The following FBLN2 variants were observed in gnomAD, a reference collection of about 807,000 sequenced individuals.
The protein encoded by FBLN2 is fibulin 2.
FBLN2 carries 81 observed loss-of-function variants against 123.7 expected under a neutral mutation model. That is an observed-to-expected ratio of 0.65 (90% CI 0.55 to 0.79). The LOEUF is 0.79. Among genes scored for constraint, FBLN2 ranks in the 30% least tolerant of loss-of-function variants. The pLI is 0.00. For synonymous variants in FBLN2, 699 were observed against 701.4 expected, an observed-to-expected ratio of 1.00 and a Z score of 0.05; for missense variants, 1,603 against 1,681.3, an observed-to-expected ratio of 0.95 and a Z score of 0.81.
chr3:13,633,580 G>T (rs1454793659), intron 16 of FBLN2, among the ~76,000 whole-genome samples: 1 of 152,242 alleles, frequency 6.6e-6, no homozygotes, highest in African/African-American at 2.4e-5. Context: ...GAGCTAAGAG[G>T]CTGTCCTCTT....
chr3:13,629,937 G>T lies in FBLN2; in HGVS notation c.2960G>T (p.Arg987Leu). 6.2e-7 allele frequency: 1 copy of T among 1,610,320 alleles called. No individual in the cohort carries two copies. Among genetic ancestry groups the T allele is most frequent in the Non-Finnish European group, 8.5e-7 (1 of 1,178,966 alleles). The change falls in exon 14 of 18, where the codon CGC (arginine) becomes CTC (leucine). Residue 987 changes from arginine to leucine, a missense_variant. Arg to Leu is a moderately radical substitution (Grantham distance 102). Coordinates refer to ENST00000404922, the MANE Select transcript of FBLN2 (RefSeq NM_001004019.2). The part of the protein sequence containing the change: ...SGFLLAADGK[R>L]CEDVNECEAQ... The stretch of plus-strand genomic sequence containing the variant: ...TTCCTGCTAGCAGCGGACGGCAAGC[G>T]CTGTGAAGGTAGGCTGGCCCTCATC...
chr3:13,580,236 A>G (rs937442858), intron 2 of FBLN2, among the ~76,000 whole-genome samples: 11 of 152,162 alleles, frequency 7.2e-5, no homozygotes, highest in African/African-American at 2.7e-4. Context: ...GCTCAGCTCT[A>G]GGAGATATGG....
intron 16 of FBLN2, among the ~76,000 whole-genome samples, chr3:13,632,933 T>C (rs1420838295): frequency 6.6e-6 from 1 of 152,212 alleles, no homozygotes; most frequent in Non-Finnish European, 1.5e-5. Flanking sequence ...TTTATCCTTC[T>C]AGATTGTGAT....
At chr3:13,608,242 C>A in intron 3 of FBLN2, 69 bp downstream of exon 3, 3 of 1,165,776 alleles carry the variant, frequency 2.6e-6, no homozygotes, top group Non-Finnish European at 3.7e-6. Context: ...TTGCCTAGGA[C>A]CCCAGGCTCC....
chr3:13,594,962 C>G (rs1351700592), intron 2 of FBLN2, among the ~76,000 whole-genome samples: 1 of 152,184 alleles, frequency 6.6e-6, no homozygotes, highest in East Asian at 1.9e-4. Context: ...GGCTCAGGAG[C>G]CTGCACTCTG....
At chr3:13,577,039 T>C (rs1166365164) in intron 2 of FBLN2, among the ~76,000 whole-genome samples, 1 of 151,910 alleles carries the variant, frequency 6.6e-6, no homozygotes, top group Non-Finnish European at 1.5e-5. Flanking sequence ...CTGGCCAACA[T>C]GGTGAAACCC....
intron 1 of FBLN2, among the ~76,000 whole-genome samples, chr3:13,554,646 ATCTCTGC>A (rs1329733471): frequency 8.4e-6 from 1 of 118,698 alleles, no homozygotes; most frequent in East Asian, 2.8e-4. Flanking sequence ...GTCCTCCCTC[ATCTCTGC>A]TCCCCTGCAT....
chr3:13,572,534 T>A (rs1177055551), intron 2 of FBLN2, among the ~76,000 whole-genome samples: 2 of 152,168 alleles, frequency 1.3e-5, no homozygotes, highest in Admixed American at 6.5e-5. Context: ...TTCAATACAC[T>A]CCATCGGGCA....
chr3:13,624,650 T>C (rs1163595305), intron 9 of FBLN2, among the ~76,000 whole-genome samples: 1 of 152,174 alleles, frequency 6.6e-6, no homozygotes, highest in Non-Finnish European at 1.5e-5. Flanking sequence ...AGCTCGAATG[T>C]CACCACTCCT....
At chr3:13,636,320 G>A in intron 16 of FBLN2, 125 bp from the exon 17 acceptor site, 1 of 1,180,598 alleles carries the variant, frequency 8.5e-7, no homozygotes, top group Non-Finnish European at 1.2e-6. Flanking sequence ...TGTGTGCAGG[G>A]AGGCACGCGG....
chr3:13,560,895 C>T (rs1395357871), intron 1 of FBLN2, among the ~76,000 whole-genome samples: 1 of 152,110 alleles, frequency 6.6e-6, no homozygotes, highest in African/African-American at 2.4e-5. Flanking sequence ...CTCAATGCAG[C>T]CTCCAACTCC....
At position 13,637,648 on chromosome 3, in the gene FBLN2, C is replaced by T. The variant is rs200284680; in HGVS notation, c.3425C>T (p.Thr1142Met). ...RITHYQLNFQTGLLVPAHIFR... is the reference protein window; with the variant it reads ...RITHYQLNFQMGLLVPAHIFR... ...ACGCACTACCAGCTCAACTTCCAGA[C>T]GGGCCTCCTGGTGCCTGCGCATATC... is the stretch of plus-strand genomic sequence containing the variant. Residue 1142 changes from threonine (T) to methionine (M), a missense_variant, in exon 18 of 18, where the codon ACG (threonine) becomes ATG (methionine). By Grantham distance (81) the Thr-to-Met change is moderately conservative. Transcript: ENST00000404922. The T allele has an allele frequency of 2.6e-5, 42 of 1,613,872 alleles. No homozygotes were observed. In the African/African-American group the frequency reaches 2.8e-4, roughly 11 times the overall value.
intron 1 of FBLN2, among the ~76,000 whole-genome samples, chr3:13,552,987 C>T (rs989168353): frequency 3.3e-5 from 5 of 152,068 alleles, no homozygotes; most frequent in African/African-American, 9.7e-5. Flanking sequence ...TGGAGGAGAA[C>T]GCTGAAGCCA....
At chr3:13,599,669 G>T (rs970079156) in intron 2 of FBLN2, among the ~76,000 whole-genome samples, 4 of 151,838 alleles carry the variant, frequency 2.6e-5, no homozygotes, top group Non-Finnish European at 5.9e-5. Flanking sequence ...TGCCTTTGGA[G>T]GTGGCCCTGT....
chr3:13,573,956 A>G (rs1236936610), intron 2 of FBLN2, among the ~76,000 whole-genome samples: 1 of 151,630 alleles, frequency 6.6e-6, no homozygotes, highest in Non-Finnish European at 1.5e-5. Context: ...AAGAAGGCAG[A>G]AGAGAAGCCT....
chr3:13,585,554 T>C (rs1297240912), intron 2 of FBLN2, among the ~76,000 whole-genome samples: 1 of 152,200 alleles, frequency 6.6e-6, no homozygotes, highest in Non-Finnish European at 1.5e-5. Context: ...GCCTTTTGCC[T>C]AGTGACAGCG....
intron 17 of FBLN2, among the ~76,000 whole-genome samples, chr3:13,637,293 G>A (rs556111780): frequency 6.6e-6 from 1 of 152,316 alleles, no homozygotes; most frequent in East Asian, 1.9e-4. Flanking sequence ...GAAGAAAGGA[G>A]CATGGGGACA....
In FBLN2 at chr3:13,629,168, G is replaced by A. The variant is rs781144664; in HGVS notation, c.2718G>A (p.Val906=). The change falls in exon 13 of 18, where the codon GTG becomes GTA. Residue 906 remains valine (V), a synonymous_variant. Transcript: ENST00000404922. ...TACCCTGCTCACCCCCCACAGACGT[G>A]AATGAGTGTGAGACAGGTGTGCACC... ...ASDDGTKCVD[V]NECETGVHRC... is the part of the protein sequence containing the mutation. 3.6e-5 allele frequency: 58 copies of A among 1,612,982 alleles called. No homozygotes were observed. The South Asian group carries it at 6.0e-4, about 17-fold the overall frequency.
At chr3:13,599,217 G>A (rs984208769) in intron 2 of FBLN2, among the ~76,000 whole-genome samples, 1 of 152,212 alleles carries the variant, frequency 6.6e-6, no homozygotes, top group African/African-American at 2.4e-5. Flanking sequence ...TGAGGGTTGA[G>A]TAGGAGTTAG....
Sources: allele counts gnomAD v4.1 joint callset (sites outside exome capture counted in the v4.1 genomes callset), GRCh38; gene constraint gnomAD v4.1.1; transcripts MANE v1.5; gene names NCBI Gene and HGNC (gene_info 2026-07-23, HGNC 2026-07-21).